FBH1: variants seen among roughly 807,000 people sequenced by gnomAD.
FBH1 encodes DNA 3'-5' helicase 1.
In FBH1, 43 loss-of-function variants were observed where a neutral mutation model predicts 115.5. That is an observed-to-expected ratio of 0.37 (90% CI 0.29 to 0.48). The LOEUF is 0.48. FBH1 is among the 20% of genes least tolerant of loss of function. The pLI is 0.99. For missense variants in FBH1, 1,001 were observed against 1,337.3 expected (o/e 0.75, Z 3.92); for synonymous variants, 524 against 507.8 (o/e 1.03, Z -0.43).
At chr10:5,929,732 T>C (rs982770128) in intron 19 of FBH1, 3 of 152,226 alleles carry the variant, frequency 2.0e-5, no homozygotes, top group Non-Finnish European at 2.9e-5. Context: ...ACGGCCATTG[T>C]CTGGATGTGG....
chr10:5,937,256 G>T lies in FBH1; in HGVS notation c.3108G>T (p.Glu1036Asp). ...AGAACATCGTACTGCCCCGGCATGA[G>T]GCCCTGCTCTTCCTCGTCTTCTGAG... Reference protein sequence around the residue: ...TVENIVLPRHEALLFLVF With the variant: ...TVENIVLPRHDALLFLVF The change falls in exon 21 of 21, where the codon GAG (glutamate) becomes GAT (aspartate). Residue 1036 changes from glutamate to aspartate, a missense_variant. Physicochemically the swap from Glu to Asp is conservative, Grantham distance 45. Transcript: ENST00000362091. 1 of 1,605,434 alleles carries T rather than the reference G, an allele frequency of 6.2e-7. No homozygotes were observed. Among genetic ancestry groups the T allele is most frequent in the Non-Finnish European group, 8.5e-7 (1 of 1,175,162 alleles).
chr10:5,905,688 T>C (rs945924976), intron 2 of FBH1, among the ~76,000 whole-genome samples: 7 of 152,150 alleles, frequency 4.6e-5, no homozygotes, highest in Non-Finnish European at 8.8e-5. Flanking sequence ...ACTTTGTGAG[T>C]GGCGGTGTGG....
chr10:5,902,744 A>G (rs1843429005), intron 1 of FBH1, among the ~76,000 whole-genome samples: 2 of 152,132 alleles, frequency 1.3e-5, no homozygotes, highest in African/African-American at 2.4e-5. Flanking sequence ...GTTTTCTTAA[A>G]TGAGCATTTC....
intron 19 of FBH1, 61 bp downstream of exon 19, chr10:5,927,602 AG>A (rs1832729585): frequency 1.4e-6 from 2 of 1,387,210 alleles, no homozygotes; most frequent in Admixed American, 3.8e-5. Flanking sequence ...AGTCTGCTTG[AG>A]GGGCTGACCT....
chr10:5,893,187 T>G (rs1473676754), intron 1 of FBH1, among the ~76,000 whole-genome samples: 1 of 152,040 alleles, frequency 6.6e-6, no homozygotes, highest in East Asian at 1.9e-4. Context: ...GCACCTGTAG[T>G]CCCAGCTACT....
At position 5,918,318 on chromosome 10, in the gene FBH1, C is replaced by T. The variant is rs770113300; in HGVS notation, c.1964-24C>T. On this transcript the variant is annotated intron_variant, in intron 12 of 20. Transcript: ENST00000362091. The surrounding 1 kb of genome is among the most constrained non-coding windows in gnomAD (Gnocchi z 4.0). ...CTGGGGTGGAGGCCTCAAGGTTTCTCACTTTTCCTCTCGTTGGTTACAGCT... is the reference window on the plus strand; with the variant it reads ...CTGGGGTGGAGGCCTCAAGGTTTCTTACTTTTCCTCTCGTTGGTTACAGCT... The T allele has an allele frequency of 6.2e-7, 1 of 1,604,366 alleles. No individual in the cohort carries two copies. Among genetic ancestry groups the T allele is most frequent in the South Asian group, 1.1e-5 (1 of 90,044 alleles).
Position 5,913,673 on chromosome 10 carries a change from C to A in FBH1, c.1212-74C>A. On this transcript the variant is annotated intron_variant, in intron 6 of 20. Transcript: ENST00000362091. This position sits in a 1 kb window ranked among gnomAD's most constrained non-coding sequence, Gnocchi z 4.4. ...TTTAGAAATGGGAAGGAGTTTAAATCCATCTGAGGAAAAATAAGATGCAGA... is the reference window on the plus strand; with the variant it reads ...TTTAGAAATGGGAAGGAGTTTAAATACATCTGAGGAAAAATAAGATGCAGA... The A allele has an allele frequency of 9.8e-7, 1 of 1,023,520 alleles. No homozygotes were observed. The highest frequency in any genetic ancestry group is 1.4e-6 in the Non-Finnish European group (1 of 706,602). 63.4% of individuals were successfully genotyped at this position (1,023,520 alleles called of 1,614,324 possible).
chr10:5,902,142 T>G (rs1843384247), intron 1 of FBH1, among the ~76,000 whole-genome samples: 1 of 152,094 alleles, frequency 6.6e-6, no homozygotes, highest in Non-Finnish European at 1.5e-5. Flanking sequence ...TCTCTTCCAT[T>G]TGGGGGCTGG....
At chr10:5,894,446 A>G (rs374200933) in intron 1 of FBH1, 49 of 1,553,458 alleles carry the variant, frequency 3.2e-5, no homozygotes, top group Non-Finnish European at 4.3e-5. Flanking sequence ...GCACTGGACT[A>G]GGGGAGTCAG....
intron 1 of FBH1, among the ~76,000 whole-genome samples, chr10:5,896,117 A>G (rs554563943): frequency 5.9e-5 from 9 of 152,174 alleles, no homozygotes; most frequent in Non-Finnish European, 7.4e-5. Flanking sequence ...CCCCTTGTGC[A>G]CTTTGAGGAA....
At chr10:5,919,957 A>G (rs961946741) in intron 13 of FBH1, among the ~76,000 whole-genome samples, 3 of 152,238 alleles carry the variant, frequency 2.0e-5, no homozygotes, top group Admixed American at 6.5e-5. Flanking sequence ...TGTCACGATA[A>G]TGAACCAACA....
intron 1 of FBH1, among the ~76,000 whole-genome samples, chr10:5,901,924 A>G (rs1843371166): frequency 1.3e-5 from 2 of 152,236 alleles, no homozygotes; most frequent in African/African-American, 4.8e-5. Flanking sequence ...ATAAGGAGGT[A>G]GCTAGATCTT....
At position 5,924,669 on chromosome 10, in the gene FBH1, G is replaced by A; in HGVS notation, c.2596+161G>A. 2 of 725,426 alleles carry A rather than the reference G, an allele frequency of 2.8e-6. No individual in the cohort carries two copies. Among genetic ancestry groups the A allele is most frequent in the Non-Finnish European group, 4.8e-6 (2 of 420,710 alleles). The allele number at this position is 725,426 out of a possible 1,614,324, so 44.9% of individuals were successfully genotyped here. A position where few individuals can be genotyped will look rare whatever the true frequency, so the allele number is the denominator to read the frequency against. ...TGCAATGCCCACCTTCTGGGTTCAA[G>A]CAATTATCCTGCCTCAGCCTCGTGA... On this transcript the variant is annotated intron_variant, in intron 17 of 20. Transcript: ENST00000362091. The surrounding 1 kb of genome is among the most constrained non-coding windows in gnomAD (Gnocchi z 6.2).
intron 1 of FBH1, among the ~76,000 whole-genome samples, chr10:5,893,455 G>A (rs1436282642): frequency 6.6e-6 from 1 of 152,138 alleles, no homozygotes. Context: ...TCCTTTTCCA[G>A]CCTTATCTCC....
chr10:5,896,131 G>C (rs1564429278), intron 1 of FBH1, among the ~76,000 whole-genome samples: 1 of 152,186 alleles, frequency 6.6e-6, no homozygotes, highest in Non-Finnish European at 1.5e-5. Flanking sequence ...TGAGGAATGA[G>C]GGGATAGACG....
intron 18 of FBH1, 83 bp from the exon 19 acceptor site, chr10:5,927,352 A>C: frequency 1.0e-6 from 1 of 957,508 alleles, no homozygotes; most frequent in Admixed American, 2.5e-5. Flanking sequence ...GGTGGGGGCT[A>C]GTAAACATTT....
chr10:5,907,910 C>T (rs921431498), intron 3 of FBH1, among the ~76,000 whole-genome samples: 1 of 152,096 alleles, frequency 6.6e-6, no homozygotes, highest in Non-Finnish European at 1.5e-5. Flanking sequence ...TTTGTTGAAA[C>T]TTGTTTTGTG....
chr10:5,921,883 C>T lies in FBH1; in HGVS notation c.2322+314C>T, dbSNP rs1832337016. 6.6e-6 allele frequency among the ~76,000 whole-genome samples: 1 copy of T among 152,314 alleles called. No homozygotes were observed. Among genetic ancestry groups the T allele is most frequent in the South Asian group, 2.1e-4 (1 of 4,828 alleles). ...GGAAGCTTTTCTAGTCATGTGTTGT[C>T]ATTAGTGTGAGAACAGCTGAGCTGA... On this transcript the variant is annotated intron_variant, in intron 15 of 20. Transcript: ENST00000362091. This position sits in a 1 kb window ranked among gnomAD's most constrained non-coding sequence, Gnocchi z 6.4.
At chr10:5,928,402 A>C (rs1337275106) in intron 19 of FBH1, 1 of 152,178 alleles carries the variant, frequency 6.6e-6, no homozygotes, top group Non-Finnish European at 1.5e-5. Context: ...CTCCTGCCTC[A>C]GCCTCCCAAA....
Sources: allele counts gnomAD v4.1 joint callset (sites outside exome capture counted in the v4.1 genomes callset), GRCh38; gene constraint gnomAD v4.1.1; non-coding constraint Gnocchi (gnomAD v3.1); transcripts MANE v1.5; gene names NCBI Gene and HGNC (gene_info 2026-07-23, HGNC 2026-07-21).